LAMC3: variants seen among roughly 807,000 people sequenced by gnomAD.
LAMC3 encodes laminin subunit gamma-3.
A neutral mutation model predicts 173.8 loss-of-function variants in LAMC3; 128 were observed. The ratio of observed to expected loss-of-function variants is 0.74; its 90% CI spans 0.64 to 0.85. LAMC3 has a LOEUF of 0.85. Ranked by LOEUF, LAMC3 falls within the 40% of genes least tolerant of loss-of-function variation. LAMC3 has a pLI of 0.00. For missense variants in LAMC3, 2,022 were observed against 2,156.0 expected, an observed-to-expected ratio of 0.94 and a Z score of 1.23; for synonymous variants, 897 against 909.1, an observed-to-expected ratio of 0.99 and a Z score of 0.24.
At chr9:131,051,200 GTACTAT>G (rs1834280814) in intron 9 of LAMC3, among the ~76,000 whole-genome samples, 2 of 152,122 alleles carry the variant, frequency 1.3e-5, no homozygotes, top group Admixed American at 1.3e-4. Flanking sequence ...ATAGGGGGAA[GTACTAT>G]TAAAGGTACT....
intron 7 of LAMC3, among the ~76,000 whole-genome samples, chr9:131,043,936 T>G (rs1481644514): frequency 7.2e-6 from 1 of 139,598 alleles, no homozygotes. Context: ...TTTTTGAGAC[T>G]GGGCTGCATT....
chr9:131,056,211 AAAC>A lies in LAMC3; in HGVS notation c.1940-712_1940-710del, dbSNP rs1381097570. Among the ~76,000 whole-genome samples, 8 of 152,130 alleles carry A rather than the reference AAAC, an allele frequency of 5.3e-5. No homozygotes were observed. The East Asian group carries it at 1.2e-3, about 22-fold the overall frequency. ...ATTCTGTCTCTCTTAAAAACAACCA[AAAC>A]AACAAGAAAAATCTTAAAACCTTAG... On this transcript the variant is annotated intron_variant, in intron 11 of 27. Transcript: ENST00000361069.
At position 131,026,579 on chromosome 9, in the gene LAMC3, C is replaced by T. The variant is rs764813104; in HGVS notation, c.668C>T (p.Pro223Leu). 4 of 1,595,334 alleles carry T rather than the reference C, an allele frequency of 2.5e-6. No individual in the cohort carries two copies. The highest frequency in any genetic ancestry group is 2.7e-5 in the African/African-American group (2 of 74,712). ...AGCGCCTACAACTTCGAGGAGAGCC[C>T]TGGGCTGCAGGTCAGGGAGGAGCGG... ...RPSAYNFEES[P>L]GLQEWVTSTE... Residue 223 changes from proline (P) to leucine (L), a missense_variant, in exon 2 of 28, where the codon CCT (proline) becomes CTT (leucine). Physicochemically the swap from Pro to Leu is moderately conservative, Grantham distance 98 (BLOSUM62 -3). Transcript: ENST00000361069. This position sits in a 1 kb window ranked among gnomAD's most constrained non-coding sequence, Gnocchi z 4.8.
chr9:131,010,684 C>A (rs2133196063), intron 1 of LAMC3, among the ~76,000 whole-genome samples: 1 of 152,360 alleles, frequency 6.6e-6, no homozygotes, highest in East Asian at 1.9e-4. Context: ...AAAGTTTAAC[C>A]CTCTGGGGAG....
At position 131,022,215 on chromosome 9, in the gene LAMC3, A is replaced by AACACACACACACACACACAC. The variant is rs56948132; in HGVS notation, c.374-4060_374-4041dup. 3.7e-3 allele frequency among the ~76,000 whole-genome samples: 541 copies of AACACACACACACACACACAC among 144,732 alleles called. 3 individuals are homozygous for AACACACACACACACACACAC. Among genetic ancestry groups the AACACACACACACACACACAC allele is most frequent in the South Asian group, 0.026 (114 of 4,416 alleles). 94.9% of individuals were successfully genotyped at this position (144,732 alleles called of 152,430 possible). ...TCATAAGCCAGGAGCTGTGGATGAA[A>AACACACACACACACACACAC]ACACACACACACACACACACACACA... On this transcript the variant is annotated intron_variant, in intron 1 of 27. Coordinates refer to ENST00000361069, the MANE Select transcript of LAMC3 (RefSeq NM_006059.4).
Position 131,032,137 on chromosome 9 carries a change from C to G in LAMC3, c.771C>G (p.Ser257=). ...DIFKDPKVLQ[S]YYYAVSDFSV... ...TCAAGGACCCCAAGGTGCTCCAGTC[C>G]TACTATTATGCCGTGTCCGACTTCT... Residue 257 remains serine, a synonymous_variant, in exon 3 of 28, where the codon TCC becomes TCG. Transcript: ENST00000361069. 1 of 1,613,884 alleles carries G rather than the reference C, an allele frequency of 6.2e-7. No homozygotes were observed. Among genetic ancestry groups the G allele is most frequent in the Non-Finnish European group, 8.5e-7 (1 of 1,179,984 alleles).
intron 13 of LAMC3, among the ~76,000 whole-genome samples, chr9:131,063,700 G>A (rs560016109): frequency 6.4e-4 from 98 of 152,286 alleles, no homozygotes; most frequent in East Asian, 3.9e-4. Context: ...CCTATGAGCT[G>A]TCCTCACCTG....
At chr9:131,018,068 C>T (rs1833557086) in intron 1 of LAMC3, among the ~76,000 whole-genome samples, 2 of 151,804 alleles carry the variant, frequency 1.3e-5, no homozygotes, top group African/African-American at 4.8e-5. Flanking sequence ...CAGCTTAATC[C>T]CTCCTTTGTG....
In LAMC3 at chr9:131,009,349, G is replaced by T. The variant is rs1588132644; in HGVS notation, c.135G>T (p.Gly45=). ...CGGTGTTCGAGAACGCGGCGTTTGG[G>T]CGGCTCGCCCAGGCCTCGCACACGT... ...CLPVFENAAF[G]RLAQASHTCG... The change falls in exon 1 of 28, where the codon GGG becomes GGT. Residue 45 remains glycine, a synonymous_variant. Transcript: ENST00000361069. This position sits in a 1 kb window ranked among gnomAD's most constrained non-coding sequence, Gnocchi z 4.3. 1 of 1,498,674 alleles carries T rather than the reference G, an allele frequency of 6.7e-7. No homozygotes were observed. Among genetic ancestry groups the T allele is most frequent in the Non-Finnish European group, 8.8e-7 (1 of 1,130,860 alleles). 92.8% of individuals were successfully genotyped at this position (1,498,674 alleles called of 1,614,324 possible). A position where few individuals can be genotyped will look rare whatever the true frequency, so the allele number is the denominator to read the frequency against.
intron 11 of LAMC3, among the ~76,000 whole-genome samples, chr9:131,053,306 G>T (rs924920950): frequency 1.3e-5 from 2 of 152,172 alleles, no homozygotes; most frequent in Non-Finnish European, 2.9e-5. Flanking sequence ...GTCCCCGCTG[G>T]ACACAGCCCA....
At chr9:131,081,183 A>C (rs10751516) in intron 23 of LAMC3, among the ~76,000 whole-genome samples, 129,989 of 152,250 alleles carry the variant, frequency 0.85, 55,914 homozygotes, top group African/African-American at 0.92. Flanking sequence ...CTTCCTCCTG[A>C]TGGCATCACC....
chr9:131,052,214 TC>T (rs1294110849), intron 9 of LAMC3, among the ~76,000 whole-genome samples: 4 of 152,178 alleles, frequency 2.6e-5, no homozygotes, highest in Admixed American at 2.6e-4. Flanking sequence ...GACTCCGTGT[TC>T]CATCGGACGT....
intron 1 of LAMC3, among the ~76,000 whole-genome samples, chr9:131,024,162 T>TG (rs1833679825): frequency 2.6e-5 from 4 of 151,738 alleles, no homozygotes; most frequent in African/African-American, 9.7e-5. Flanking sequence ...TTTTTTTTTT[T>TG]TTTTAGACAG....
chr9:131,081,643 A>G (rs1238750089), intron 23 of LAMC3, among the ~76,000 whole-genome samples: 1 of 151,882 alleles, frequency 6.6e-6, no homozygotes, highest in Non-Finnish European at 1.5e-5. Flanking sequence ...AGCTAATTTT[A>G]AATAAATTTT....
At chr9:131,074,276 T>C (rs1403349192) in intron 20 of LAMC3, among the ~76,000 whole-genome samples, 4 of 151,032 alleles carry the variant, frequency 2.6e-5, no homozygotes, top group Admixed American at 6.6e-5. Context: ...CTCATCCACA[T>C]TGTGGCATGG....
At chr9:131,018,888 T>C (rs532107627) in intron 1 of LAMC3, among the ~76,000 whole-genome samples, 52 of 152,326 alleles carry the variant, frequency 3.4e-4, no homozygotes, top group African/African-American at 1.1e-3. Context: ...TAATGGCTGC[T>C]CATCCTTGGA....
chr9:131,015,415 C>G (rs1354654576), intron 1 of LAMC3, among the ~76,000 whole-genome samples: 24 of 152,294 alleles, frequency 1.6e-4, no homozygotes, highest in Non-Finnish European at 2.9e-5. Context: ...GGCCCCTTGT[C>G]CCCGGGCAAG....
chr9:131,047,412 C>T (rs993185758), intron 8 of LAMC3, among the ~76,000 whole-genome samples: 1 of 151,536 alleles, frequency 6.6e-6, no homozygotes, highest in African/African-American at 2.4e-5. Context: ...ACTGATCCAC[C>T]CTCCTCAGCC....
rs142867855 is a variant in LAMC3 at position 131,076,690 on chromosome 9, G to A, written c.3630-497G>A. Reference sequence around the variant, plus strand: ...TGGTCAGGACAGAAAACCCATCCTAGCTGATTGGTTATAGACCACAGGCCT... The same window carrying A: ...TGGTCAGGACAGAAAACCCATCCTAACTGATTGGTTATAGACCACAGGCCT... On this transcript the variant is annotated intron_variant, in intron 21 of 27. Transcript: ENST00000361069. Among the ~76,000 whole-genome samples the A allele has an allele frequency of 2.0e-3, 310 of 152,242 alleles. 1 individual carries two copies. Among genetic ancestry groups the A allele is most frequent in the African/African-American group, 7.2e-3 (297 of 41,538 alleles).
Sources: gnomAD v4.1 joint callset for allele counts (sites outside exome capture counted in the v4.1 genomes callset) on GRCh38, gnomAD v4.1.1 for gene constraint, Gnocchi (gnomAD v3.1) non-coding constraint, MANE v1.5 for transcripts, NCBI Gene and HGNC (gene_info 2026-07-23, HGNC 2026-07-21) for gene names.